Variants in DIAPH2 observed in about 807,000 individuals in gnomAD.
DIAPH2 encodes the protein protein diaphanous homolog 2.
In DIAPH2, 35 loss-of-function variants were observed where a neutral mutation model predicts 92.7. The ratio of observed to expected loss-of-function variants is 0.38; its 90% confidence interval spans 0.29 to 0.50. The LOEUF is 0.50. Ranked by LOEUF, DIAPH2 falls within the 20% of genes least tolerant of loss-of-function variation. The pLI is 0.94. For synonymous variants in DIAPH2, 301 were observed against 280.4 expected, an observed-to-expected ratio of 1.07 and a Z score of -0.73; for missense variants, 701 against 819.5, an observed-to-expected ratio of 0.86 and a Z score of 1.77.
At chrX:97,232,522 C>T (rs1295595968) in intron 22 of DIAPH2, among the ~76,000 whole-genome samples, 1 of 111,372 alleles carries the variant, frequency 9.0e-6, no homozygotes, top group Non-Finnish European at 1.9e-5. Context: ...CCATCGCACC[C>T]GGCCCCTCTT....
At chrX:96,948,885 G>C (rs753582202) in intron 14 of DIAPH2, 50 bp from the exon 15 acceptor site, 1 of 814,820 alleles carries the variant, frequency 1.2e-6, no homozygotes, top group Non-Finnish European at 1.7e-6. Flanking sequence ...GTTCTTTAAA[G>C]CGTTCTGAAA....
At chrX:96,843,076 A>T (rs1328774085) in intron 4 of DIAPH2, among the ~76,000 whole-genome samples, 1 of 111,181 alleles carries the variant, frequency 9.0e-6, no homozygotes, top group Admixed American at 9.6e-5. Flanking sequence ...GCCTGGTGGG[A>T]TGTGATTGGA....
chrX:97,217,901 G>A (rs1005912342), intron 22 of DIAPH2, among the ~76,000 whole-genome samples: 1 of 110,859 alleles, frequency 9.0e-6, no homozygotes, highest in South Asian at 3.9e-4. Flanking sequence ...AGCCGAGATC[G>A]TGCCACTGCA....
At chrX:97,073,450 G>C (rs1410077147) in intron 18 of DIAPH2, among the ~76,000 whole-genome samples, 5 of 111,817 alleles carry the variant, frequency 4.5e-5, no homozygotes, top group Non-Finnish European at 9.4e-5. Context: ...AAGTAATTGC[G>C]ATGTGAGCTA....
chrX:96,950,861 C>G (rs1453506018), intron 15 of DIAPH2, among the ~76,000 whole-genome samples: 1 of 111,536 alleles, frequency 9.0e-6, no homozygotes, highest in African/African-American at 3.3e-5. Context: ...TAACTACAGC[C>G]TCTGTTGCAG....
intron 26 of DIAPH2, among the ~76,000 whole-genome samples, chrX:97,552,827 CTTAAGCTGGATAAA>C (rs2071230143): frequency 9.0e-6 from 1 of 111,721 alleles, no homozygotes; most frequent in Non-Finnish European, 1.9e-5. Flanking sequence ...GACTTGGTGG[CTTAAGCTGGATAAA>C]TTAATTTCCT....
At chrX:96,952,561 C>T (rs1373870826) in intron 15 of DIAPH2, among the ~76,000 whole-genome samples, 1 of 109,738 alleles carries the variant, frequency 9.1e-6, no homozygotes, top group Non-Finnish European at 1.9e-5. Flanking sequence ...TGGTGAATCC[C>T]CATCTCTACT....
intron 25 of DIAPH2, among the ~76,000 whole-genome samples, chrX:97,403,660 C>T (rs960897409): frequency 9.0e-6 from 1 of 111,181 alleles, no homozygotes; most frequent in Admixed American, 9.6e-5. Flanking sequence ...ATGTGGAGTT[C>T]GCTTTGAGTA....
intron 22 of DIAPH2, among the ~76,000 whole-genome samples, chrX:97,200,764 G>A (rs1451670213): frequency 1.8e-5 from 2 of 111,581 alleles, no homozygotes; most frequent in African/African-American, 6.5e-5. Flanking sequence ...TGCCGGCTTC[G>A]AAGGCAGCAG....
At chrX:97,019,907 G>A (rs140772530) in intron 17 of DIAPH2, among the ~76,000 whole-genome samples, 1,165 of 112,039 alleles carry the variant, frequency 0.01, 7 homozygotes, top group Non-Finnish European at 0.015. Context: ...TAGGATTGTC[G>A]CATCATTATG....
At chrX:97,077,031 A>G (rs1403094819) in intron 19 of DIAPH2, among the ~76,000 whole-genome samples, 2 of 111,647 alleles carry the variant, frequency 1.8e-5, no homozygotes, top group Non-Finnish European at 3.8e-5. Context: ...TGCTTGTGGG[A>G]AGAAAACAGT....
intron 23 of DIAPH2, among the ~76,000 whole-genome samples, chrX:97,311,072 A>G (rs963357923): frequency 1.8e-5 from 2 of 111,991 alleles, no homozygotes; most frequent in African/African-American, 6.5e-5. Context: ...GACCTGAGCT[A>G]TTATTTAAAG....
chrX:96,716,669 C>T (rs1049567829), intron 1 of DIAPH2, among the ~76,000 whole-genome samples: 7 of 111,196 alleles, frequency 6.3e-5, no homozygotes, highest in African/African-American at 2.3e-4. Flanking sequence ...AATTAGTTTG[C>T]ATTTTTGTCA....
chrX:97,439,302 C>T (rs1385550862), intron 26 of DIAPH2, among the ~76,000 whole-genome samples: 6 of 110,947 alleles, frequency 5.4e-5, no homozygotes, highest in Admixed American at 1.9e-4. Flanking sequence ...GGGTGGGGTG[C>T]GGTGGTTCAC....
intron 1 of DIAPH2, among the ~76,000 whole-genome samples, chrX:96,731,817 C>T (rs2064057231): frequency 9.0e-6 from 1 of 111,399 alleles, no homozygotes; most frequent in South Asian, 3.7e-4. Context: ...ACTCTGATTG[C>T]TTGACTAATG....
chrX:97,404,918 A>C (rs1488591907), intron 25 of DIAPH2, among the ~76,000 whole-genome samples: 3 of 112,141 alleles, frequency 2.7e-5, no homozygotes, highest in Non-Finnish European at 5.6e-5. Flanking sequence ...AGATATATCG[A>C]TATTCTAGAT....
At chrX:97,032,356 AC>A (rs1430626630) in intron 17 of DIAPH2, among the ~76,000 whole-genome samples, 1 of 111,356 alleles carries the variant, frequency 9.0e-6, no homozygotes, top group Non-Finnish European at 1.9e-5. Flanking sequence ...GAGAAAAAGT[AC>A]AAAATTTGGT....
chrX:97,053,761 A>G (rs1358571488), intron 17 of DIAPH2, among the ~76,000 whole-genome samples: 1 of 111,849 alleles, frequency 8.9e-6, no homozygotes, highest in Non-Finnish European at 1.9e-5. Context: ...GTCTAAGAAA[A>G]AAATCAATAC....
intron 22 of DIAPH2, among the ~76,000 whole-genome samples, chrX:97,201,136 C>T (rs1411061416): frequency 1.0e-5 from 1 of 95,943 alleles, no homozygotes; most frequent in Non-Finnish European, 2.1e-5. Context: ...GAAAGACCCC[C>T]CCCCCAAAAA....
Sources: allele counts gnomAD v4.1 joint callset (sites outside exome capture counted in the v4.1 genomes callset), GRCh38; gene constraint gnomAD v4.1.1; transcripts MANE v1.5; gene names NCBI Gene and HGNC (gene_info 2026-07-23, HGNC 2026-07-21).